SEC63: variants seen among roughly 807,000 people sequenced by gnomAD.
The protein encoded by SEC63 is translocation protein SEC63 homolog.
A neutral mutation model predicts 116.2 loss-of-function variants in SEC63; 56 were observed. The observed-to-expected ratio is 0.48, with a 90% confidence interval of 0.39 to 0.60. The LOEUF (loss-of-function observed/expected upper bound fraction) is 0.60. SEC63 is among the 20% of genes least tolerant of loss of function. The probability of loss-of-function intolerance (pLI) is 0.00; values close to 1 mark genes in which losing one functional copy is unlikely to be tolerated. For synonymous variants in SEC63, 273 were observed against 294.6 expected (o/e 0.93, Z 0.75); for missense variants, 668 against 900.0 (o/e 0.74, Z 3.30).
chr6:107,912,595 A>T, intron 6 of SEC63, 121 bp downstream of exon 6: 1 of 712,124 alleles, frequency 1.4e-6, no homozygotes, highest in Non-Finnish European at 2.6e-6. Context: ...AAATGAATGA[A>T]TGAATGAATG....
chr6:107,876,979 C>T lies in SEC63; in HGVS notation c.1936-317G>A, dbSNP rs1041109729. Reference sequence around the variant, plus strand: ...TTATTCTAAATATATACAACTATTACAATAGCATGTAGCAAATAATCTTAG... The same window carrying T: ...TTATTCTAAATATATACAACTATTATAATAGCATGTAGCAAATAATCTTAG... On this transcript the variant is annotated intron_variant, in intron 18 of 20. Transcript: ENST00000369002. 2.8e-5 allele frequency: 8 copies of T among 285,874 alleles called. No homozygotes were observed. In the East Asian group the frequency reaches 5.5e-4, roughly 20 times the overall value. 17.7% of individuals were successfully genotyped at this position (285,874 alleles called of 1,614,324 possible).
At chr6:107,954,464 T>TAAAAAAAAAAAAAAATAAAAA (rs1770664460) in intron 1 of SEC63, 1 of 61,708 alleles carries the variant, frequency 1.6e-5, no homozygotes, top group Non-Finnish European at 2.8e-5. Flanking sequence ...AATGATCAAT[T>TAAAAAAAAAAAAAAATAAAAA]AAAAAAAAAA....
At chr6:107,903,548 A>T (rs985074301) in intron 11 of SEC63, among the ~76,000 whole-genome samples, 1 of 152,150 alleles carries the variant, frequency 6.6e-6, no homozygotes, top group African/African-American at 2.4e-5. Context: ...TCTACACAAA[A>T]TGTAAAGTTA....
At chr6:107,887,681 T>A (rs1213835233) in intron 16 of SEC63, among the ~76,000 whole-genome samples, 5 of 151,040 alleles carry the variant, frequency 3.3e-5, no homozygotes, top group Non-Finnish European at 1.5e-5. Flanking sequence ...CGCACCAGCA[T>A]GGCACACGTA....
intron 6 of SEC63, among the ~76,000 whole-genome samples, chr6:107,912,090 A>C (rs886240733): frequency 6.6e-6 from 1 of 152,208 alleles, no homozygotes; most frequent in African/African-American, 2.4e-5. Context: ...CCATTTTCAA[A>C]ACAAATTACA....
At chr6:107,887,599 G>T (rs184730914) in intron 16 of SEC63, among the ~76,000 whole-genome samples, 110 of 151,130 alleles carry the variant, frequency 7.3e-4, no homozygotes, top group Non-Finnish European at 3.4e-4. Flanking sequence ...GGACTGTTGT[G>T]GGGTGGGGGA....
rs528079797 is a variant in SEC63 at position 107,904,519 on chromosome 6, C to G, written c.1054+110G>C. 5.0e-4 allele frequency: 402 copies of G among 808,064 alleles called. 1 individual carries two copies. The highest frequency in any genetic ancestry group is 2.5e-3 in the South Asian group (178 of 70,624). The allele number at this position is 808,064 out of a possible 1,614,324, so 50.1% of individuals were successfully genotyped here. A position where few individuals can be genotyped will look rare whatever the true frequency, so the allele number is the denominator to read the frequency against. On this transcript the variant is annotated intron_variant, in intron 11 of 20. Coordinates refer to ENST00000369002, the MANE Select transcript of SEC63 (RefSeq NM_007214.5). ...ACATGAGTAAAATTGAAGAAGCTCA[C>G]TGAACTGGCCGACAGAAGTCTGAGT...
rs531797680 is a variant in SEC63, at chr6:107,901,639, T to C, written c.1210-122A>G. On this transcript the variant is annotated intron_variant, in intron 12 of 20. Transcript: ENST00000369002. ...CAACTTTTAGAAAAGTGTTGATTAA[T>C]GTGCATTTCAAAGTACAAAATAACG... The C allele has an allele frequency of 5.4e-5, 36 of 668,332 alleles. No homozygotes were observed. The East Asian group carries it at 7.7e-4, about 14-fold the overall frequency. The allele number at this position is 668,332 out of a possible 1,614,324, so 41.4% of individuals were successfully genotyped here.
At chr6:107,877,570 A>G (rs926401457) in intron 18 of SEC63, among the ~76,000 whole-genome samples, 1 of 152,026 alleles carries the variant, frequency 6.6e-6, no homozygotes, top group African/African-American at 2.4e-5. Context: ...CAGCTTCCCA[A>G]GTAGCTGAGA....
chr6:107,902,888 G>T lies in SEC63; in HGVS notation c.1165C>A (p.His389Asn). 1 of 1,613,868 alleles carries T rather than the reference G, an allele frequency of 6.2e-7. No individual in the cohort carries two copies. Among genetic ancestry groups the T allele is most frequent in the South Asian group, 1.1e-5 (1 of 91,084 alleles). The stretch of plus-strand genomic sequence containing the variant: ...CGTCTAAGATTGTCCTCTTCAATAT[G>T]AGGGAGCTGCAGAAGGGGAGACTTA... The part of the protein sequence containing the change: ...QFKSPLLQLP[H>N]IEEDNLRRVS... Residue 389 changes from histidine to asparagine, a missense_variant, in exon 12 of 21, where the codon CAT becomes AAT. By Grantham distance (68) the His-to-Asn change is moderately conservative. This residue lies in a region of SEC63 where 430 missense variants were observed against 557.5 expected (regional missense o/e 0.77). Transcript: ENST00000369002.
chr6:107,918,858 A>G (rs1787478236), intron 4 of SEC63, among the ~76,000 whole-genome samples: 1 of 151,080 alleles, frequency 6.6e-6, no homozygotes. Flanking sequence ...TCACAGGAAG[A>G]GGCCAAAATG....
rs592989 is a variant in SEC63 at position 107,868,273 on chromosome 6, T to A, written c.*3431A>T. The A allele has an allele frequency of 1.3e-5, 2 of 151,640 alleles. No homozygotes were observed. The highest frequency in any genetic ancestry group is 2.9e-5 in the Non-Finnish European group (2 of 67,990). The allele number at this position is 151,640 out of a possible 1,614,324, so 9.4% of individuals were successfully genotyped here. On this transcript the variant is annotated 3_prime_UTR_variant, in exon 21 of 21. Coordinates refer to ENST00000369002, the MANE Select transcript of SEC63 (RefSeq NM_007214.5). ...AAAGGATGATGATTTGTTGTTTTTGTTTTTTTTCCAAAAAAACCCAACAGG... is the reference window on the plus strand; with the variant it reads ...AAAGGATGATGATTTGTTGTTTTTGATTTTTTTCCAAAAAAACCCAACAGG...
intron 7 of SEC63, among the ~76,000 whole-genome samples, chr6:107,909,415 T>C (rs2114454837): frequency 6.6e-6 from 1 of 151,430 alleles, no homozygotes; most frequent in East Asian, 1.9e-4. Context: ...CTGATAAATG[T>C]TAAGTTTGAG....
intron 3 of SEC63, among the ~76,000 whole-genome samples, chr6:107,922,812 TACAC>T (rs139743158): frequency 0.045 from 6,834 of 152,134 alleles, 460 homozygotes; most frequent in African/African-American, 0.16. Context: ...AACTAGATGA[TACAC>T]ACCCTCCTTA....
At chr6:107,947,369 A>T (rs1322348181) in intron 1 of SEC63, among the ~76,000 whole-genome samples, 2 of 152,052 alleles carry the variant, frequency 1.3e-5, no homozygotes, top group East Asian at 3.9e-4. Context: ...AAAGAACAAA[A>T]AAACCAAACC....
rs188423975 is a variant in SEC63, at chr6:107,883,281, T to A, written c.1675-135A>T. ...ATTTCACTATTCATATACAATTTTT[T>A]AAAATTATAAACATTCCTACTTATA... On this transcript the variant is annotated intron_variant, in intron 16 of 20. Coordinates refer to ENST00000369002, the MANE Select transcript of SEC63 (RefSeq NM_007214.5). The A allele has an allele frequency of 8.7e-4, 918 of 1,053,546 alleles. 5 individuals are homozygous for A. In the African/African-American group the frequency reaches 0.011, roughly 13 times the overall value. The allele number at this position is 1,053,546 out of a possible 1,614,324, so 65.3% of individuals were successfully genotyped here. A position where few individuals can be genotyped will look rare whatever the true frequency, so the allele number is the denominator to read the frequency against.
intron 1 of SEC63, among the ~76,000 whole-genome samples, chr6:107,953,832 G>A (rs1178883497): frequency 3.5e-5 from 5 of 142,692 alleles, no homozygotes; most frequent in South Asian, 2.1e-4. Flanking sequence ...CGCCCCGTCC[G>A]GGAGGGAGGT....
chr6:107,881,220 G>A lies in SEC63; in HGVS notation c.1864C>T (p.Arg622Ter), dbSNP rs2114403750. ...EWQELQQSIQ[R>*]KERALLETKS... ...GTTTCCAATAGAGCTCTCTCTTTTC[G>A]CTGTATGCTTTGTTGTAATTCTTGC... is the stretch of plus-strand genomic sequence containing the variant. Residue 622 changes from arginine to a stop codon, truncating the protein, a stop_gained, in exon 18 of 21, where the codon CGA (arginine) becomes TGA (stop). Transcript: ENST00000369002. LOFTEE classifies it high-confidence loss of function. 1.9e-6 allele frequency: 3 copies of A among 1,612,488 alleles called. No homozygotes were observed. The highest frequency in any genetic ancestry group is 1.1e-5 in the South Asian group (1 of 91,028).
intron 1 of SEC63, among the ~76,000 whole-genome samples, chr6:107,943,729 C>T (rs1770423515): frequency 6.6e-6 from 1 of 152,138 alleles, no homozygotes; most frequent in South Asian, 2.1e-4. Flanking sequence ...GGAGCAGCAA[C>T]CAGTAAAAGA....
Sources: gnomAD v4.1 joint callset for allele counts (sites outside exome capture counted in the v4.1 genomes callset) on GRCh38, gnomAD v4.1.1 for gene constraint, gnomAD v4.1.1 regional missense constraint, MANE v1.5 for transcripts, NCBI Gene and HGNC (gene_info 2026-07-23, HGNC 2026-07-21) for gene names.